Variants in TINAG observed in about 807,000 individuals in gnomAD.
TINAG encodes the protein tubulointerstitial nephritis antigen.
TINAG carries 83 observed loss-of-function variants against 72.7 expected under a neutral mutation model. The observed-to-expected ratio is 1.14, with a 90% CI of 0.96 to 1.37. The LOEUF (loss-of-function observed/expected upper bound fraction) is 1.37. Among genes scored for constraint, TINAG ranks in the 40% most tolerant of loss-of-function variants. The pLI is 0.00. For synonymous variants in TINAG, 234 were observed against 189.9 expected, an observed-to-expected ratio of 1.23 and a Z score of -1.91; for missense variants, 685 against 576.6, an observed-to-expected ratio of 1.19 and a Z score of -1.93.
intron 3 of TINAG, among the ~76,000 whole-genome samples, chr6:54,323,500 A>C (rs1277772939): frequency 1.3e-5 from 2 of 152,206 alleles, no homozygotes; most frequent in East Asian, 3.8e-4. Context: ...TTTGGTTTAA[A>C]ATATTTCTTT....
At chr6:54,330,422 A>C (rs2150944394) in intron 4 of TINAG, among the ~76,000 whole-genome samples, 1 of 152,320 alleles carries the variant, frequency 6.6e-6, no homozygotes, top group South Asian at 2.1e-4. Context: ...ACAAAGACAC[A>C]ACGTACCAGA....
intron 10 of TINAG, among the ~76,000 whole-genome samples, chr6:54,384,261 G>T (rs1049986979): frequency 3.3e-5 from 5 of 152,058 alleles, no homozygotes; most frequent in Non-Finnish European, 7.4e-5. Flanking sequence ...TAGATGATGA[G>T]TTGATGGGTG....
intron 6 of TINAG, among the ~76,000 whole-genome samples, chr6:54,348,703 C>A (rs1785188884): frequency 6.6e-6 from 1 of 152,094 alleles, no homozygotes; most frequent in Non-Finnish European, 1.5e-5. Context: ...AAAGGCCTAC[C>A]TCCAAATATC....
chr6:54,344,570 A>T (rs1182077754), intron 5 of TINAG, among the ~76,000 whole-genome samples: 1 of 152,208 alleles, frequency 6.6e-6, no homozygotes. Context: ...TTAAGGTGTT[A>T]CACCTAGATC....
At chr6:54,379,298 G>T (rs1187081538) in intron 9 of TINAG, among the ~76,000 whole-genome samples, 1 of 152,158 alleles carries the variant, frequency 6.6e-6, no homozygotes, top group African/African-American at 2.4e-5. Context: ...TGGAGCCTTG[G>T]CTCAACACTT....
At chr6:54,388,053 T>C (rs1764149335) in intron 10 of TINAG, among the ~76,000 whole-genome samples, 1 of 152,168 alleles carries the variant, frequency 6.6e-6, no homozygotes, top group Admixed American at 6.6e-5. Flanking sequence ...AATGTAATTA[T>C]GAAATTTTGG....
Position 54,321,299 on chromosome 6 carries a change from C to G in TINAG, c.422C>G (p.Thr141Arg). ...SVIKENCNSC[T>R]CSGQQWKCSQ... ...TTGTAATTGTCATATCTTTGCAGCA[C>G]ATGCTCAGGACAGCAATGGAAATGT... Residue 141 changes from threonine (T) to arginine (R), a missense_variant and splice_region_variant, in exon 3 of 11, where the codon ACA (threonine) becomes AGA (arginine). Transcript: ENST00000259782. The G allele has an allele frequency of 6.2e-7, 1 of 1,613,246 alleles. No individual in the cohort carries two copies. Among genetic ancestry groups the G allele is most frequent in the Non-Finnish European group, 8.5e-7 (1 of 1,179,426 alleles).
At chr6:54,387,101 A>G (rs1764119902) in intron 10 of TINAG, among the ~76,000 whole-genome samples, 1 of 152,158 alleles carries the variant, frequency 6.6e-6, no homozygotes, top group Admixed American at 6.6e-5. Context: ...GAACTCTTAA[A>G]CAGAAACTTC....
chr6:54,372,268 A>C (rs1763641471), intron 9 of TINAG, among the ~76,000 whole-genome samples: 1 of 152,036 alleles, frequency 6.6e-6, no homozygotes, highest in Non-Finnish European at 1.5e-5. Context: ...CTGGGATTAC[A>C]GGTGTGAGCC....
intron 1 of TINAG, among the ~76,000 whole-genome samples, chr6:54,310,503 T>C (rs1029643136): frequency 6.7e-6 from 1 of 149,634 alleles, no homozygotes; most frequent in Admixed American, 6.7e-5. Flanking sequence ...TTCTTCTTTC[T>C]TTCTCTTTCT....
intron 5 of TINAG, among the ~76,000 whole-genome samples, chr6:54,343,633 G>T (rs562510930): frequency 3.3e-5 from 5 of 151,022 alleles, no homozygotes; most frequent in Non-Finnish European, 7.4e-5. Flanking sequence ...CAGAGTTAAG[G>T]CCAAATAATA....
intron 9 of TINAG, among the ~76,000 whole-genome samples, chr6:54,356,273 G>C (rs1763039750): frequency 6.6e-6 from 1 of 151,916 alleles, no homozygotes; most frequent in Admixed American, 6.6e-5. Context: ...GGTGGCTCAT[G>C]CTTGTAATCC....
chr6:54,325,596 A>G (rs1336761399), intron 3 of TINAG, among the ~76,000 whole-genome samples: 2 of 152,094 alleles, frequency 1.3e-5, no homozygotes. Flanking sequence ...TATTTCTCCT[A>G]TCTTCTATTT....
Position 54,351,298 on chromosome 6 carries a change from G to C in TINAG, c.1081-54G>C, listed in dbSNP as rs2150960870. On this transcript the variant is annotated intron_variant, in intron 7 of 10. Transcript: ENST00000259782. ...ACTTAACATTGTACACCAATCAATG[G>C]GTTTAGTATGCTCTGATAACAATGA... 4.7e-6 allele frequency: 7 copies of C among 1,484,652 alleles called. No individual in the cohort carries two copies. In the East Asian group the frequency reaches 1.4e-4, roughly 29 times the overall value. The allele number at this position is 1,484,652 out of a possible 1,614,324, so 92.0% of individuals were successfully genotyped here.
intron 1 of TINAG, among the ~76,000 whole-genome samples, chr6:54,312,605 G>A (rs9370284): frequency 0.81 from 123,425 of 151,936 alleles, 50,631 homozygotes; most frequent in African/African-American, 0.92. Context: ...AAGTAAAACA[G>A]TCTGAAGAGA....
intron 5 of TINAG, among the ~76,000 whole-genome samples, chr6:54,346,853 A>T (rs1010024376): frequency 1.2e-4 from 18 of 152,104 alleles, no homozygotes; most frequent in African/African-American, 3.9e-4. Flanking sequence ...AAACCAGTTT[A>T]AAAACAAAGA....
chr6:54,327,131 T>C, intron 4 of TINAG: 2 of 1,549,022 alleles, frequency 1.3e-6, no homozygotes, highest in African/African-American at 1.4e-5. Flanking sequence ...TTAGACATAG[T>C]CTCCTTTAGG....
chr6:54,380,502 C>A (rs1378796492), intron 9 of TINAG, 24 bp from the exon 10 acceptor site: 17 of 1,595,616 alleles, frequency 1.1e-5, no homozygotes, highest in Non-Finnish European at 1.4e-5. Context: ...CCATACCAAT[C>A]TTTATTATTG....
intron 9 of TINAG, among the ~76,000 whole-genome samples, chr6:54,355,714 C>T (rs907452616): frequency 6.2e-5 from 9 of 145,106 alleles, no homozygotes; most frequent in East Asian, 2.0e-4. Flanking sequence ...AAAAATGTAA[C>T]GTGTGTGTGT....
Sources: gnomAD v4.1 joint callset for allele counts (sites outside exome capture counted in the v4.1 genomes callset) on GRCh38, gnomAD v4.1.1 for gene constraint, MANE v1.5 for transcripts, NCBI Gene and HGNC (gene_info 2026-07-23, HGNC 2026-07-21) for gene names.